TAF3: variants seen among roughly 807,000 people sequenced by gnomAD.
The protein encoded by TAF3 is transcription initiation factor TFIID subunit 3.
TAF3 carries 7 observed loss-of-function variants against 80.6 expected under a neutral mutation model. The ratio of observed to expected loss-of-function variants is 0.09; its 90% CI spans 0.05 to 0.16. The LOEUF (loss-of-function observed/expected upper bound fraction) is 0.16, where lower values mean the gene tolerates loss of function less well. Ranked by LOEUF, TAF3 falls within the 10% of genes least tolerant of loss-of-function variation. TAF3 has a pLI of 1.00. For synonymous variants in TAF3, 444 were observed against 446.1 expected, an observed-to-expected ratio of 1.00 and a Z score of 0.06; for missense variants, 921 against 1,140.2, an observed-to-expected ratio of 0.81 and a Z score of 2.77.
At chr10:7,861,710 G>T (rs1485213185) in intron 2 of TAF3, among the ~76,000 whole-genome samples, 1 of 151,882 alleles carries the variant, frequency 6.6e-6, no homozygotes, top group Non-Finnish European at 1.5e-5. Context: ...CTGTTTTTCT[G>T]TTGCTGCTTT....
At chr10:7,947,829 C>T (rs78444561) in intron 2 of TAF3, among the ~76,000 whole-genome samples, 1,665 of 152,154 alleles carry the variant, frequency 0.011, 20 homozygotes, top group Middle Eastern at 0.031. Flanking sequence ...ATTTGGGATT[C>T]GGAGTTGGAG....
intron 2 of TAF3, among the ~76,000 whole-genome samples, chr10:7,919,182 C>A (rs1324652382): frequency 6.6e-6 from 1 of 152,080 alleles, no homozygotes; most frequent in Non-Finnish European, 1.5e-5. Flanking sequence ...AGTTGGATGT[C>A]CTAGGAGGCC....
At chr10:7,996,993 C>T (rs568251454) in intron 4 of TAF3, among the ~76,000 whole-genome samples, 1 of 151,984 alleles carries the variant, frequency 6.6e-6, no homozygotes, top group East Asian at 1.9e-4. Context: ...TGGGCCCAGC[C>T]GAGGAGAGGG....
intron 4 of TAF3, among the ~76,000 whole-genome samples, chr10:7,977,716 C>A (rs957398202): frequency 3.3e-5 from 5 of 152,296 alleles, no homozygotes; most frequent in Admixed American, 3.3e-4. Flanking sequence ...TGACAAAGAA[C>A]AAAGATTCTC....
chr10:7,963,818 G>T (rs962593255), intron 2 of TAF3, 102 bp from the exon 3 acceptor site: 21 of 1,215,282 alleles, frequency 1.7e-5, no homozygotes, highest in Non-Finnish European at 2.2e-5. Flanking sequence ...TAATAAAAAA[G>T]AAAGAAAAAA....
chr10:7,932,179 C>A (rs1837874790), intron 2 of TAF3, among the ~76,000 whole-genome samples: 1 of 152,144 alleles, frequency 6.6e-6, no homozygotes, highest in South Asian at 2.1e-4. Context: ...GGTGAACATG[C>A]TACCTCTATC....
intron 2 of TAF3, among the ~76,000 whole-genome samples, chr10:7,923,726 A>G (rs1385417751): frequency 6.6e-6 from 1 of 152,066 alleles, no homozygotes; most frequent in African/African-American, 2.4e-5. Flanking sequence ...ACAAAAAAAA[A>G]GGACTCCCCC....
At chr10:8,012,694 A>G (rs1832066880) in intron 5 of TAF3, among the ~76,000 whole-genome samples, 2 of 152,194 alleles carry the variant, frequency 1.3e-5, no homozygotes, top group Admixed American at 6.5e-5. Context: ...TTCTTTAGGA[A>G]GTTTTCCTGT....
chr10:7,908,760 T>C (rs906981917), intron 2 of TAF3, among the ~76,000 whole-genome samples: 3 of 152,270 alleles, frequency 2.0e-5, no homozygotes, highest in African/African-American at 7.2e-5. Context: ...AAACCTGATA[T>C]GTAAGACAGA....
At chr10:7,888,113 C>G (rs1837426142) in intron 2 of TAF3, among the ~76,000 whole-genome samples, 1 of 152,108 alleles carries the variant, frequency 6.6e-6, no homozygotes, top group African/African-American at 2.4e-5. Flanking sequence ...ATTCTTGTCG[C>G]CTGCAAGCAC....
Position 7,842,176 on chromosome 10 carries a change from G to GT in TAF3, c.409+17631dup, listed in dbSNP as rs1167047923. Among the ~76,000 whole-genome samples, 392 of 62,126 alleles carry GT rather than the reference G, an allele frequency of 6.3e-3. 7 individuals are homozygous for GT. Among genetic ancestry groups the GT allele is most frequent in the South Asian group, 0.013 (20 of 1,598 alleles). 40.8% of individuals were successfully genotyped at this position (62,126 alleles called of 152,430 possible). A position where few individuals can be genotyped will look rare whatever the true frequency, so the allele number is the denominator to read the frequency against. On this transcript the variant is annotated intron_variant, in intron 2 of 6. Coordinates refer to ENST00000344293, the MANE Select transcript of TAF3 (RefSeq NM_031923.4). ...GTTTTTTTTTTTTGTTTTTTTTTTT[G>GT]TTTTTTTTTTTTTTTGAGACAGAGT...
intron 2 of TAF3, among the ~76,000 whole-genome samples, chr10:7,865,069 A>G (rs1402858563): frequency 1.3e-5 from 2 of 152,214 alleles, no homozygotes; most frequent in African/African-American, 2.4e-5. Context: ...TGATGGGTTG[A>G]GGAGGGAGTC....
chr10:7,892,701 G>A (rs1434042940), intron 2 of TAF3, among the ~76,000 whole-genome samples: 3 of 151,864 alleles, frequency 2.0e-5, no homozygotes, highest in Admixed American at 2.0e-4. Context: ...CAGTATTTTT[G>A]GTTGGTCAGC....
At chr10:7,875,947 T>C (rs575698897) in intron 2 of TAF3, among the ~76,000 whole-genome samples, 10 of 152,112 alleles carry the variant, frequency 6.6e-5, no homozygotes, top group Admixed American at 2.0e-4. Context: ...AAACAAGTGA[T>C]AGTAATCTTA....
chr10:7,894,468 T>C (rs998840054), intron 2 of TAF3, among the ~76,000 whole-genome samples: 1 of 152,182 alleles, frequency 6.6e-6, no homozygotes, highest in African/African-American at 2.4e-5. Flanking sequence ...TCCTAGCAAG[T>C]GTAGTGTGAT....
intron 2 of TAF3, among the ~76,000 whole-genome samples, chr10:7,927,738 T>C (rs775415746): frequency 2.0e-5 from 3 of 152,198 alleles, no homozygotes; most frequent in Non-Finnish European, 4.4e-5. Context: ...ATATATGTAG[T>C]TGATAATACA....
At chr10:7,968,502 C>G (rs1271103069) in intron 3 of TAF3, among the ~76,000 whole-genome samples, 1 of 152,188 alleles carries the variant, frequency 6.6e-6, no homozygotes, top group Non-Finnish European at 1.5e-5. Flanking sequence ...TTTTTAGCTT[C>G]TTTAATCCTT....
In TAF3 at chr10:7,872,212, G is replaced by A. The variant is rs1160795855; in HGVS notation, c.409+47652G>A. 8.1e-5 allele frequency among the ~76,000 whole-genome samples: 3 copies of A among 36,990 alleles called. No homozygotes were observed. The Admixed American group carries it at 1.2e-3, about 15-fold the overall frequency. 24.3% of individuals were successfully genotyped at this position (36,990 alleles called of 152,430 possible). On this transcript the variant is annotated intron_variant, in intron 2 of 6. Coordinates refer to ENST00000344293, the MANE Select transcript of TAF3 (RefSeq NM_031923.4). ...TGTAACATGGTAGAAGTGTTGGGTT[G>A]ATTTTTTTTTTTTTTTTTTTTCTTT... is the stretch of plus-strand genomic sequence containing the variant.
intron 2 of TAF3, among the ~76,000 whole-genome samples, chr10:7,844,636 A>G (rs1184979923): frequency 2.0e-5 from 3 of 152,080 alleles, no homozygotes; most frequent in African/African-American, 7.2e-5. Flanking sequence ...TCGGCCTTCC[A>G]AAGTGCTGGG....
Sources: allele counts gnomAD v4.1 joint callset (sites outside exome capture counted in the v4.1 genomes callset), GRCh38; gene constraint gnomAD v4.1.1; transcripts MANE v1.5; gene names NCBI Gene and HGNC (gene_info 2026-07-23, HGNC 2026-07-21).